Variants in STUM observed in about 807,000 individuals in gnomAD.
The protein encoded by STUM is stum, mechanosensory transduction mediator homolog.
Under a neutral mutation model 15.3 loss-of-function variants are expected in STUM, and 8 were observed. That is an observed-to-expected ratio of 0.52 (90% confidence interval 0.31 to 0.94). The LOEUF is 0.94. STUM is among the 40% of genes least tolerant of loss of function. The pLI is 0.05. For synonymous variants in STUM, 78 were observed against 88.7 expected, an observed-to-expected ratio of 0.88 and a Z score of 0.68; for missense variants, 142 against 204.9, an observed-to-expected ratio of 0.69 and a Z score of 1.87.
chr1:226,562,787 G>C (rs1336528522), intron 1 of STUM, among the ~76,000 whole-genome samples: 1 of 152,124 alleles, frequency 6.6e-6, no homozygotes, highest in Non-Finnish European at 1.5e-5. Context: ...ATTACATCCT[G>C]TACTGGAAGA....
At chr1:226,593,514 G>C (rs1668122939) in intron 1 of STUM, among the ~76,000 whole-genome samples, 1 of 152,164 alleles carries the variant, frequency 6.6e-6, no homozygotes, top group African/African-American at 2.4e-5. Flanking sequence ...TCTGTCAGGT[G>C]GGGTGATGAG....
chr1:226,595,307 C>T (rs1366467888), intron 1 of STUM, among the ~76,000 whole-genome samples: 1 of 152,146 alleles, frequency 6.6e-6, no homozygotes, highest in Non-Finnish European at 1.5e-5. Flanking sequence ...CTGCTAGGCC[C>T]CCGACCAATT....
At chr1:226,589,945 AT>A (rs11366808) in intron 1 of STUM, among the ~76,000 whole-genome samples, 72,595 of 151,072 alleles carry the variant, frequency 0.48, 17,567 homozygotes, top group Admixed American at 0.54. Context: ...AGGAATGTTA[AT>A]TTTTTTTTTA....
intron 1 of STUM, among the ~76,000 whole-genome samples, chr1:226,589,919 G>T (rs1323199071): frequency 6.6e-6 from 1 of 150,772 alleles, no homozygotes; most frequent in Middle Eastern, 3.2e-3. Flanking sequence ...TCAGAGCGAG[G>T]ACTGGTATCA....
At position 226,608,408 on chromosome 1, in the gene STUM, G is replaced by C. The variant is rs1668395311; in HGVS notation, c.*6368G>C. 1 of 152,160 alleles carries C rather than the reference G, an allele frequency of 6.6e-6. No individual in the cohort carries two copies. Among genetic ancestry groups the C allele is most frequent in the Admixed American group, 6.5e-5 (1 of 15,282 alleles). The allele number at this position is 152,160 out of a possible 1,614,324, so 9.4% of individuals were successfully genotyped here. On this transcript the variant is annotated 3_prime_UTR_variant, in exon 4 of 4. Transcript: ENST00000366788. This position sits in a 1 kb window ranked among gnomAD's most constrained non-coding sequence, Gnocchi z 4.0. Reference sequence around the variant, plus strand: ...AACCTGTGGCCAGCCCTTTTCATTGGCTGAGTTCCCTGCTGTTGTGCGTGG... The same window carrying C: ...AACCTGTGGCCAGCCCTTTTCATTGCCTGAGTTCCCTGCTGTTGTGCGTGG...
At chr1:226,592,580 G>A (rs1668108026) in intron 1 of STUM, among the ~76,000 whole-genome samples, 1 of 152,208 alleles carries the variant, frequency 6.6e-6, no homozygotes, top group Admixed American at 6.5e-5. Flanking sequence ...TGCTTAGCAT[G>A]CTATAGGTTT....
chr1:226,548,954 T>TGGC lies in STUM; in HGVS notation c.59_61dup (p.Ala20dup), dbSNP rs764555545. The stretch of plus-strand genomic sequence containing the variant: ...GAGACGGCGGCGGCGGCGGCGGCGG[T>TGGC]GGCGGCGGCGGACCCCCGGGGGGCG... On this transcript the variant is annotated inframe_insertion, in exon 1 of 4. Coordinates refer to ENST00000366788, the MANE Select transcript of STUM (RefSeq NM_001003665.4). 7 of 1,462,664 alleles carry TGGC rather than the reference T, an allele frequency of 4.8e-6. No homozygotes were observed. The highest frequency in any genetic ancestry group is 1.4e-5 in the South Asian group (1 of 73,782). The allele number at this position is 1,462,664 out of a possible 1,614,324, so 90.6% of individuals were successfully genotyped here.
intron 1 of STUM, among the ~76,000 whole-genome samples, chr1:226,572,777 T>C (rs1254522078): frequency 6.6e-6 from 1 of 152,166 alleles, no homozygotes; most frequent in Non-Finnish European, 1.5e-5. Flanking sequence ...GGGTCCGCGG[T>C]ACTAGTTCTG....
chr1:226,553,821 A>G (rs1008953687), intron 1 of STUM, among the ~76,000 whole-genome samples: 1 of 152,238 alleles, frequency 6.6e-6, no homozygotes, highest in Admixed American at 6.5e-5. Flanking sequence ...TCTAAAATCA[A>G]CAACAAAGCA....
At chr1:226,562,096 A>T (rs922329672) in intron 1 of STUM, among the ~76,000 whole-genome samples, 14 of 152,186 alleles carry the variant, frequency 9.2e-5, no homozygotes, top group African/African-American at 3.4e-4. Context: ...TCTAAAATTG[A>T]TTGTGGTGAT....
rs556197815 is a variant in STUM at position 226,597,991 on chromosome 1, C to T, written c.382+1010C>T. Among the ~76,000 whole-genome samples, 9 of 152,324 alleles carry T rather than the reference C, an allele frequency of 5.9e-5. No homozygotes were observed. The East Asian group carries it at 1.7e-3, about 29-fold the overall frequency. On this transcript the variant is annotated intron_variant, in intron 2 of 3. Transcript: ENST00000366788. ...AATGAGCTGGGAAGCAGCAGGGAAG[C>T]TGCTCCTTCCTCCTGGGAGGGGTGT...
At chr1:226,576,973 A>G (rs1050821353) in intron 1 of STUM, among the ~76,000 whole-genome samples, 3 of 152,170 alleles carry the variant, frequency 2.0e-5, no homozygotes, top group African/African-American at 7.2e-5. Context: ...CTACCCACAC[A>G]CTTCCTTAGT....
chr1:226,561,784 G>A (rs147656868), intron 1 of STUM, among the ~76,000 whole-genome samples: 3 of 152,270 alleles, frequency 2.0e-5, no homozygotes, highest in Non-Finnish European at 2.9e-5. Flanking sequence ...TTGCATGATT[G>A]TAAAGTGTCT....
intron 1 of STUM, among the ~76,000 whole-genome samples, chr1:226,566,939 T>C (rs1043138273): frequency 2.0e-5 from 3 of 152,224 alleles, no homozygotes; most frequent in African/African-American, 7.2e-5. Context: ...GAGGTTGATA[T>C]GCAGTGTTGG....
At chr1:226,574,589 A>C (rs1667772760) in intron 1 of STUM, among the ~76,000 whole-genome samples, 1 of 152,344 alleles carries the variant, frequency 6.6e-6, no homozygotes, top group Admixed American at 6.5e-5. Flanking sequence ...ATTGGGGGCC[A>C]AGGTCAGTCC....
intron 1 of STUM, among the ~76,000 whole-genome samples, chr1:226,575,855 A>G (rs547360885): frequency 6.6e-6 from 1 of 152,322 alleles, no homozygotes; most frequent in African/African-American, 2.4e-5. Flanking sequence ...CTAATAGGAA[A>G]TGTCTGCTGG....
At chr1:226,562,194 T>G (rs1197883355) in intron 1 of STUM, among the ~76,000 whole-genome samples, 1 of 152,110 alleles carries the variant, frequency 6.6e-6, no homozygotes, top group Non-Finnish European at 1.5e-5. Flanking sequence ...TCTGGCCTGG[T>G]GCAGTGGCTC....
intron 1 of STUM, among the ~76,000 whole-genome samples, chr1:226,585,838 T>C (rs1667987692): frequency 1.3e-5 from 2 of 152,230 alleles, no homozygotes; most frequent in South Asian, 4.1e-4. Flanking sequence ...TAGTTCAGGC[T>C]GCTATAACAA....
Position 226,565,344 on chromosome 1 carries a change from C to A in STUM, c.202+16238C>A, listed in dbSNP as rs953273637. ...TTCATGAAGACCCTGGGGGTGGGAG[C>A]CTTTGCTTCCTGCTGGGACCCCCTG... On this transcript the variant is annotated intron_variant, in intron 1 of 3. Transcript: ENST00000366788. The surrounding 1 kb of genome is among the most constrained non-coding windows in gnomAD (Gnocchi z 4.4). 7.9e-5 allele frequency among the ~76,000 whole-genome samples: 12 copies of A among 152,190 alleles called. No homozygotes were observed. The highest frequency in any genetic ancestry group is 1.3e-4 in the Non-Finnish European group (9 of 68,020).
Sources: gnomAD v4.1 joint callset for allele counts (sites outside exome capture counted in the v4.1 genomes callset) on GRCh38, gnomAD v4.1.1 for gene constraint, Gnocchi (gnomAD v3.1) non-coding constraint, MANE v1.5 for transcripts, NCBI Gene and HGNC (gene_info 2026-07-23, HGNC 2026-07-21) for gene names.